TBCD: variants seen among roughly 807,000 people sequenced by gnomAD.
TBCD encodes tubulin-specific chaperone D.
A neutral mutation model predicts 169.3 loss-of-function variants in TBCD; 105 were observed. The ratio of observed to expected loss-of-function variants is 0.62; its 90% CI spans 0.53 to 0.73. The LOEUF is 0.73. Among genes scored for constraint, TBCD ranks in the 30% least tolerant of loss-of-function variants. The pLI, the probability that TBCD is intolerant of heterozygous loss-of-function variation, is 0.00. For missense variants in TBCD, 1,444 were observed against 1,600.1 expected, an observed-to-expected ratio of 0.90 and a Z score of 1.66; for synonymous variants, 700 against 643.9, an observed-to-expected ratio of 1.09 and a Z score of -1.32.
chr17:82,853,597 G>A (rs971467214), intron 13 of TBCD, among the ~76,000 whole-genome samples: 7 of 151,714 alleles, frequency 4.6e-5, no homozygotes, highest in African/African-American at 1.7e-4. Context: ...TGTAGAGACG[G>A]TCTCACCATC....
intron 20 of TBCD, 38 bp from the exon 21 acceptor site, chr17:82,907,723 G>A (rs201160647): frequency 1.5e-5 from 24 of 1,611,922 alleles, no homozygotes; most frequent in Non-Finnish European, 2.0e-5. Flanking sequence ...TAGGGTCTTG[G>A]GGAGTGTGAC....
chr17:82,865,382 A>G, intron 13 of TBCD: 2 of 839,898 alleles, frequency 2.4e-6, no homozygotes, highest in Non-Finnish European at 2.9e-6. Context: ...GTCCCTCCAC[A>G]TCCACCCCAT....
In TBCD at chr17:82,784,921, CG is replaced by C. The variant is rs1189988729; in HGVS notation, c.771+3201del. Among the ~76,000 whole-genome samples, 10 of 152,164 alleles carry C rather than the reference CG, an allele frequency of 6.6e-5. 1 individual carries two copies. Among genetic ancestry groups the C allele is most frequent in the African/African-American group, 1.9e-4 (8 of 41,412 alleles). Reference sequence around the variant, plus strand: ...GTGCTGTGACTAAGACCACTGGACCCGACCCATCGCAGCGACAGGGGGTCCA... The same window carrying C: ...GTGCTGTGACTAAGACCACTGGACCCACCCATCGCAGCGACAGGGGGTCCA... On this transcript the variant is annotated intron_variant, in intron 7 of 38. Transcript: ENST00000355528.
chr17:82,938,722 C>A (rs2062841688), intron 36 of TBCD, among the ~76,000 whole-genome samples: 1 of 151,906 alleles, frequency 6.6e-6, no homozygotes, highest in Non-Finnish European at 1.5e-5. Context: ...GACATGATGA[C>A]CAGGGCACCA....
At position 82,831,306 on chromosome 17, in the gene TBCD, C is replaced by G; in HGVS notation, c.1318+16372C>G. 6.2e-7 allele frequency: 1 copy of G among 1,613,984 alleles called. No homozygotes were observed. Among genetic ancestry groups the G allele is most frequent in the Non-Finnish European group, 8.5e-7 (1 of 1,180,026 alleles). On this transcript the variant is annotated intron_variant, in intron 13 of 38. Coordinates refer to ENST00000355528, the MANE Select transcript of TBCD (RefSeq NM_005993.5). This position sits in a 1 kb window ranked among gnomAD's most constrained non-coding sequence, Gnocchi z 4.6. ...GCCCAGCCTTGGAGGAGTCTTTAGCCTCAGGAATTGGACTTTCGAACTCGA... is the reference window on the plus strand; with the variant it reads ...GCCCAGCCTTGGAGGAGTCTTTAGCGTCAGGAATTGGACTTTCGAACTCGA...
In TBCD at chr17:82,889,243, C is replaced by T. The variant is rs1033554752; in HGVS notation, c.1534-425C>T. Among the ~76,000 whole-genome samples the T allele has an allele frequency of 3.9e-5, 6 of 152,138 alleles. No homozygotes were observed. The highest frequency in any genetic ancestry group is 1.4e-4 in the African/African-American group (6 of 41,430). ...GCCTGGAGAGCCTATTGACACCGTG[C>T]CATGGGTGCGGGCAGGGCGCCCTCC... is the stretch of plus-strand genomic sequence containing the variant. On this transcript the variant is annotated intron_variant, in intron 15 of 38. Transcript: ENST00000355528. The surrounding 1 kb of genome is among the most constrained non-coding windows in gnomAD (Gnocchi z 5.3).
Position 82,924,861 on chromosome 17 carries a change from G to A in TBCD, c.2261-78G>A, listed in dbSNP as rs774523854. On this transcript the variant is annotated intron_variant, in intron 26 of 38. Transcript: ENST00000355528. ...CTTTGTTCACTGTGGCTTTGCTCCTGTTTGGGGCACACGTCGGGTGTGGCT... is the reference window on the plus strand; with the variant it reads ...CTTTGTTCACTGTGGCTTTGCTCCTATTTGGGGCACACGTCGGGTGTGGCT... The A allele has an allele frequency of 1.5e-4, 184 of 1,217,466 alleles. 1 individual carries two copies. Among genetic ancestry groups the A allele is most frequent in the Non-Finnish European group, 2.1e-4 (178 of 854,954 alleles). The allele number at this position is 1,217,466 out of a possible 1,614,324, so 75.4% of individuals were successfully genotyped here. A position where few individuals can be genotyped will look rare whatever the true frequency, so the allele number is the denominator to read the frequency against.
At chr17:82,772,559 G>A in intron 6 of TBCD, 52 bp downstream of exon 6, 2 of 1,580,466 alleles carry the variant, frequency 1.3e-6, no homozygotes, top group South Asian at 2.2e-5. Context: ...TTCTGAGAGG[G>A]GTTTGTTTGG....
rs1053333697 is a variant in TBCD, at chr17:82,864,800, C to T, written c.1319-5424C>T. ...GCCCACCCTAGCAGCACAGGAAGGG[C>T]TGGGATCACCACTCCCCGGGGCACC... On this transcript the variant is annotated intron_variant, in intron 13 of 38. Coordinates refer to ENST00000355528, the MANE Select transcript of TBCD (RefSeq NM_005993.5). The surrounding 1 kb of genome is among the most constrained non-coding windows in gnomAD (Gnocchi z 6.3). Among the ~76,000 whole-genome samples the T allele has an allele frequency of 7.1e-6, 1 of 139,920 alleles. No individual in the cohort carries two copies. The highest frequency in any genetic ancestry group is 1.6e-5 in the Non-Finnish European group (1 of 63,090). 91.8% of individuals were successfully genotyped at this position (139,920 alleles called of 152,430 possible).
chr17:82,764,057 A>G lies in TBCD; in HGVS notation c.328A>G (p.Thr110Ala). The G allele has an allele frequency of 6.2e-7, 1 of 1,612,548 alleles. No homozygotes were observed. Among genetic ancestry groups the G allele is most frequent in the South Asian group, 1.1e-5 (1 of 90,912 alleles). Residue 110 changes from threonine to alanine, a missense_variant, in exon 3 of 39, where the codon ACC (threonine) becomes GCC (alanine). Physicochemically the swap from Thr to Ala is moderately conservative, Grantham distance 58. Transcript: ENST00000355528. ...GGCTTTTAAATTTCTTTACATCATCACCAAGGTAACATTTCCATAGCACTT... is the reference window on the plus strand; with the variant it reads ...GGCTTTTAAATTTCTTTACATCATCGCCAAGGTAACATTTCCATAGCACTT... ...HLAFKFLYII[T>A]KVRGYKTFLR...
chr17:82,867,515 A>G (rs906700081), intron 13 of TBCD, among the ~76,000 whole-genome samples: 4 of 152,110 alleles, frequency 2.6e-5, no homozygotes, highest in Non-Finnish European at 4.4e-5. Context: ...GTTAGTTTTG[A>G]TGTGTTGGCC....
At chr17:82,921,598 C>T (rs935322738) in intron 25 of TBCD, 21 bp downstream of exon 25, 10 of 1,612,006 alleles carry the variant, frequency 6.2e-6, no homozygotes, top group East Asian at 2.2e-5. Context: ...CATGGGCGTT[C>T]CCGGCCGGCG....
In TBCD at chr17:82,774,551, A is replaced by G. The variant is rs181117044; in HGVS notation, c.638+2044A>G. On this transcript the variant is annotated intron_variant, in intron 6 of 38. Coordinates refer to ENST00000355528, the MANE Select transcript of TBCD (RefSeq NM_005993.5). ...CCATCGTCATCATGGCCCGTTCTCAATGAGCTGTTGGGTACACCTCCCAGA... is the reference window on the plus strand; with the variant it reads ...CCATCGTCATCATGGCCCGTTCTCAGTGAGCTGTTGGGTACACCTCCCAGA... Among the ~76,000 whole-genome samples, 3 of 152,256 alleles carry G rather than the reference A, an allele frequency of 2.0e-5. No individual in the cohort carries two copies. The highest frequency in any genetic ancestry group is 2.0e-4 in the Admixed American group (3 of 15,290).
intron 6 of TBCD, among the ~76,000 whole-genome samples, chr17:82,773,481 A>G (rs2048403634): frequency 6.6e-6 from 1 of 152,228 alleles, no homozygotes; most frequent in African/African-American, 2.4e-5. Context: ...TATTTAGATA[A>G]TAGAGCATGA....
In TBCD at chr17:82,889,685, T is replaced by C. The variant is rs560097771; in HGVS notation, c.1551T>C (p.Asn517=). ...RRAASAAFQE[N]VGRQGTFPHG... ...CTCCGCAGGCCGCCTTCCAGGAGAA[T>C]GTGGGGAGACAGGTATGGCTGCTTT... The change falls in exon 16 of 39, where the codon AAT becomes AAC. Residue 517 remains asparagine (N), a synonymous_variant. Coordinates refer to ENST00000355528, the MANE Select transcript of TBCD (RefSeq NM_005993.5). The surrounding 1 kb of genome is among the most constrained non-coding windows in gnomAD (Gnocchi z 5.3). 29 of 1,613,716 alleles carry C rather than the reference T, an allele frequency of 1.8e-5. No homozygotes were observed. In the African/African-American group the frequency reaches 3.1e-4, roughly 17 times the overall value.
At chr17:82,801,416 C>T (rs1032765742) in intron 9 of TBCD, among the ~76,000 whole-genome samples, 3 of 152,040 alleles carry the variant, frequency 2.0e-5, no homozygotes, top group East Asian at 1.9e-4. Flanking sequence ...CTGCAGCTGG[C>T]GTTGGCAGGA....
intron 17 of TBCD, chr17:82,900,446 C>G (rs1285198567): frequency 3.9e-6 from 2 of 515,896 alleles, no homozygotes; most frequent in African/African-American, 3.9e-5. Flanking sequence ...ACACATGAAG[C>G]TGTGTGCACG....
Position 82,881,670 on chromosome 17 carries a change from C to T in TBCD, c.1476-2475C>T, listed in dbSNP as rs184718529. On this transcript the variant is annotated intron_variant, in intron 14 of 38. Coordinates refer to ENST00000355528, the MANE Select transcript of TBCD (RefSeq NM_005993.5). The stretch of plus-strand genomic sequence containing the variant: ...GCTGCGTTGATGTCGTTGTGGAGCC[C>T]GCTCTGGGCCTCGGCACGTCTGAGC... Among the ~76,000 whole-genome samples, 28 of 152,290 alleles carry T rather than the reference C, an allele frequency of 1.8e-4. No homozygotes were observed. In the East Asian group the frequency reaches 4.4e-3, roughly 24 times the overall value.
intron 7 of TBCD, among the ~76,000 whole-genome samples, chr17:82,797,448 T>C (rs1365266724): frequency 6.6e-6 from 1 of 152,226 alleles, no homozygotes; most frequent in African/African-American, 2.4e-5. Flanking sequence ...AGGCTAGTAG[T>C]GCCCTGAACT....
Sources: gnomAD v4.1 joint callset for allele counts (sites outside exome capture counted in the v4.1 genomes callset) on GRCh38, gnomAD v4.1.1 for gene constraint, Gnocchi (gnomAD v3.1) non-coding constraint, MANE v1.5 for transcripts, NCBI Gene and HGNC (gene_info 2026-07-23, HGNC 2026-07-21) for gene names.